The following RIC1 variants were observed in gnomAD, a reference collection of about 807,000 sequenced individuals.
RIC1 encodes guanine nucleotide exchange factor subunit RIC1.
RIC1 carries 88 observed loss-of-function variants against 169.0 expected under a neutral mutation model. The ratio of observed to expected loss-of-function variants is 0.52; its 90% CI spans 0.44 to 0.62. The LOEUF is 0.62. RIC1 is among the 20% of genes least tolerant of loss of function. The probability of loss-of-function intolerance (pLI) is 0.00; values close to 1 mark genes in which losing one functional copy is unlikely to be tolerated. For synonymous variants in RIC1, 790 were observed against 601.5 expected, an observed-to-expected ratio of 1.31 and a Z score of -4.59; for missense variants, 1,877 against 1,725.5, an observed-to-expected ratio of 1.09 and a Z score of -1.56.
chr9:5,636,614 C>G (rs1210650741), intron 1 of RIC1, among the ~76,000 whole-genome samples: 1 of 152,126 alleles, frequency 6.6e-6, no homozygotes, highest in African/African-American at 2.4e-5. Flanking sequence ...CCACCACTCC[C>G]AGCCATGTTT....
intron 21 of RIC1, among the ~76,000 whole-genome samples, chr9:5,768,491 G>A (rs1826955215): frequency 1.3e-5 from 2 of 152,058 alleles, no homozygotes; most frequent in Non-Finnish European, 2.9e-5. Flanking sequence ...TCACACCACT[G>A]CACTCCAGAC....
At chr9:5,759,972 A>G (rs1586704198) in intron 17 of RIC1, among the ~76,000 whole-genome samples, 1 of 152,228 alleles carries the variant, frequency 6.6e-6, no homozygotes, top group African/African-American at 2.4e-5. Context: ...CCTGGATACC[A>G]TATTTTGAGA....
chr9:5,743,112 ACT>A, intron 9 of RIC1, 99 bp downstream of exon 9: 1 of 1,088,372 alleles, frequency 9.2e-7, no homozygotes, highest in Non-Finnish European at 1.3e-6. Context: ...TTTTGCCTTG[ACT>A]CTTACCTTAA....
At chr9:5,644,773 G>C (rs1818420157) in intron 1 of RIC1, among the ~76,000 whole-genome samples, 1 of 152,150 alleles carries the variant, frequency 6.6e-6, no homozygotes, top group African/African-American at 2.4e-5. Context: ...CTCTTCTAGA[G>C]AGATACCTAG....
chr9:5,753,273 G>C (rs1271666684), intron 13 of RIC1, 35 bp downstream of exon 13: 1 of 1,600,246 alleles, frequency 6.2e-7, no homozygotes, highest in Admixed American at 1.7e-5. Context: ...AACTTTTGTT[G>C]ACTAGCATTT....
At chr9:5,680,479 T>C (rs193273251) in intron 2 of RIC1, among the ~76,000 whole-genome samples, 4 of 152,314 alleles carry the variant, frequency 2.6e-5, no homozygotes, top group Non-Finnish European at 4.4e-5. Flanking sequence ...TCTGGACTTT[T>C]TTTGGTTGGT....
At chr9:5,692,982 G>A (rs905824928) in intron 3 of RIC1, among the ~76,000 whole-genome samples, 4 of 152,166 alleles carry the variant, frequency 2.6e-5, no homozygotes, top group African/African-American at 9.6e-5. Context: ...GTACAGCTAG[G>A]ATTCAGACAT....
At chr9:5,755,008 A>G (rs1438766365) in intron 15 of RIC1, 78 bp downstream of exon 15, 2 of 893,878 alleles carry the variant, frequency 2.2e-6, no homozygotes, top group East Asian at 5.6e-5. Context: ...TATAGAAAAT[A>G]GTCGATTGAA....
chr9:5,767,238 T>C (rs1472009788), intron 21 of RIC1, among the ~76,000 whole-genome samples: 1 of 152,248 alleles, frequency 6.6e-6, no homozygotes, highest in Non-Finnish European at 1.5e-5. Flanking sequence ...TTGTGACCTA[T>C]TGATTAGAGA....
chr9:5,673,555 T>TAA (rs1554663247), intron 2 of RIC1, among the ~76,000 whole-genome samples: 22 of 144,394 alleles, frequency 1.5e-4, no homozygotes, highest in East Asian at 7.9e-4. Context: ...TATATATATA[T>TAA]ATAAATAAAT....
intron 1 of RIC1, among the ~76,000 whole-genome samples, chr9:5,631,519 C>T (rs546529409): frequency 3.3e-5 from 5 of 152,006 alleles, no homozygotes; most frequent in South Asian, 4.2e-4. Context: ...AATCCCGTCT[C>T]TACTAAAAAT....
intron 3 of RIC1, among the ~76,000 whole-genome samples, chr9:5,703,896 T>C (rs1822396498): frequency 6.6e-6 from 1 of 152,220 alleles, no homozygotes; most frequent in African/African-American, 2.4e-5. Flanking sequence ...TCAATTATTT[T>C]TGGGTATATA....
At chr9:5,738,169 T>A (rs1048726502) in intron 7 of RIC1, among the ~76,000 whole-genome samples, 1 of 152,224 alleles carries the variant, frequency 6.6e-6, no homozygotes, top group Non-Finnish European at 1.5e-5. Flanking sequence ...CTCATGTTGC[T>A]AGATAGGCTA....
chr9:5,636,346 T>G (rs1033786600), intron 1 of RIC1, among the ~76,000 whole-genome samples: 1 of 152,146 alleles, frequency 6.6e-6, no homozygotes, highest in Non-Finnish European at 1.5e-5. Flanking sequence ...TTAGACAAAG[T>G]CTCGCTCTTG....
chr9:5,762,495 T>C, intron 17 of RIC1, 46 bp from the exon 18 acceptor site: 2 of 1,607,728 alleles, frequency 1.2e-6, no homozygotes, highest in Non-Finnish European at 1.7e-6. Context: ...GCGGAAAGCA[T>C]ACCGATACAG....
intron 7 of RIC1, 142 bp downstream of exon 7, chr9:5,732,621 T>C (rs1350947888): frequency 2.0e-6 from 1 of 492,246 alleles, no homozygotes; most frequent in Non-Finnish European, 3.6e-6. Context: ...TAATATGAAA[T>C]GTAAAAGTAT....
chr9:5,745,997 G>A lies in RIC1; in HGVS notation c.1162G>A (p.Glu388Lys). 3 of 1,613,674 alleles carry A rather than the reference G, an allele frequency of 1.9e-6. No individual in the cohort carries two copies. The highest frequency in any genetic ancestry group is 2.5e-6 in the Non-Finnish European group (3 of 1,179,680). ...ATTTGGTTCTCAAAACACTGAAATT[G>A]AGTCTGACCTCAGGAGTGTAGTTAA... The part of the protein sequence containing the change: ...SGFGSQNTEI[E>K]SDLRSVVKQP... The change falls in exon 11 of 26, where the codon GAG becomes AAG. Residue 388 changes from glutamate (E) to lysine (K), a missense_variant. By Grantham distance (56) the Glu-to-Lys change is moderately conservative. Around this residue, in one of 3 missense-constraint regions of RIC1, gnomAD observed 1,104 missense variants for 992.0 expected, o/e 1.11. Transcript: ENST00000414202.
At chr9:5,652,981 T>A (rs915674801) in intron 1 of RIC1, among the ~76,000 whole-genome samples, 1 of 152,218 alleles carries the variant, frequency 6.6e-6, no homozygotes, top group African/African-American at 2.4e-5. Flanking sequence ...TGCCTTTTAT[T>A]CTGTTAATGT....
At chr9:5,737,793 A>G (rs546900511) in intron 7 of RIC1, among the ~76,000 whole-genome samples, 11 of 150,680 alleles carry the variant, frequency 7.3e-5, no homozygotes, top group Non-Finnish European at 1.3e-4. Flanking sequence ...TTTATTTTAT[A>G]TATATTAATA....
Sources: allele counts gnomAD v4.1 joint callset (sites outside exome capture counted in the v4.1 genomes callset), GRCh38; gene constraint gnomAD v4.1.1; regional missense constraint gnomAD v4.1.1; transcripts MANE v1.5; gene names NCBI Gene and HGNC (gene_info 2026-07-23, HGNC 2026-07-21).